The following ARHGAP18 variants were observed in gnomAD, a reference collection of about 807,000 sequenced individuals.
ARHGAP18 encodes Rho GTPase activating protein 18.
A neutral mutation model predicts 86.2 loss-of-function variants in ARHGAP18; 67 were observed. The observed-to-expected ratio is 0.78, with a 90% CI of 0.64 to 0.95. ARHGAP18 has a LOEUF of 0.95. ARHGAP18 is among the 40% of genes least tolerant of loss of function. The probability of loss-of-function intolerance (pLI) is 0.00; values close to 1 mark genes in which losing one functional copy is unlikely to be tolerated. For synonymous variants in ARHGAP18, 283 were observed against 280.4 expected, an observed-to-expected ratio of 1.01 and a Z score of -0.09; for missense variants, 691 against 780.4, an observed-to-expected ratio of 0.89 and a Z score of 1.37.
chr6:129,689,562 A>C (rs1304671925), intron 1 of ARHGAP18, among the ~76,000 whole-genome samples: 3 of 152,104 alleles, frequency 2.0e-5, no homozygotes, highest in African/African-American at 7.2e-5. Flanking sequence ...CAAAGTGCTG[A>C]AATGGGCATG....
chr6:129,675,715 G>T (rs1231522063), intron 1 of ARHGAP18, among the ~76,000 whole-genome samples: 1 of 152,106 alleles, frequency 6.6e-6, no homozygotes, highest in African/African-American at 2.4e-5. Flanking sequence ...TATCTCAGAG[G>T]GAATAAGAAA....
intron 1 of ARHGAP18, 33 bp from the exon 2 acceptor site, chr6:129,642,051 A>T: frequency 6.3e-7 from 1 of 1,588,070 alleles, no homozygotes; most frequent in Middle Eastern, 1.7e-4. Flanking sequence ...GGTTTATTTT[A>T]GTACAAAAGG....
intron 3 of ARHGAP18, among the ~76,000 whole-genome samples, chr6:129,637,688 A>C (rs1044639109): frequency 1.3e-5 from 2 of 152,194 alleles, no homozygotes; most frequent in Non-Finnish European, 1.5e-5. Flanking sequence ...GGCAAACACA[A>C]AGCTGTAACC....
chr6:129,632,484 C>T, intron 4 of ARHGAP18, among the ~76,000 whole-genome samples: 1 of 152,254 alleles, frequency 6.6e-6, no homozygotes, highest in East Asian at 1.9e-4. Flanking sequence ...TTTTCCTCAG[C>T]ATCCATTCAC....
At chr6:129,680,361 T>C (rs72986995) in intron 1 of ARHGAP18, among the ~76,000 whole-genome samples, 1,635 of 152,340 alleles carry the variant, frequency 0.011, 18 homozygotes, top group Middle Eastern at 0.027. Flanking sequence ...AAAGCAAGGT[T>C]CTCTACTCCT....
intron 1 of ARHGAP18, among the ~76,000 whole-genome samples, chr6:129,686,490 C>T (rs1445180842): frequency 6.6e-6 from 1 of 152,178 alleles, no homozygotes. Flanking sequence ...ATAGAGGTTC[C>T]CTGCGCAGGT....
At chr6:129,703,003 C>CA (rs5879963) in intron 1 of ARHGAP18, among the ~76,000 whole-genome samples, 1 of 149,344 alleles carries the variant, frequency 6.7e-6, no homozygotes, top group African/African-American at 2.5e-5. Context: ...ATCTCCAAAA[C>CA]AAAAAAAAAA....
intron 12 of ARHGAP18, among the ~76,000 whole-genome samples, chr6:129,594,985 T>A (rs901087004): frequency 5.3e-5 from 8 of 152,190 alleles, no homozygotes; most frequent in African/African-American, 1.9e-4. Context: ...GAAGAGTCCA[T>A]GGATTTAAAG....
At chr6:129,704,438 C>T (rs1774771466) in intron 1 of ARHGAP18, among the ~76,000 whole-genome samples, 1 of 152,034 alleles carries the variant, frequency 6.6e-6, no homozygotes, top group Non-Finnish European at 1.5e-5. Flanking sequence ...CAGCGAGACT[C>T]AGTATCTGAA....
At chr6:129,709,910 G>A in intron 1 of ARHGAP18, 114 bp downstream of exon 1, 1 of 792,624 alleles carries the variant, frequency 1.3e-6, no homozygotes. Context: ...TGCTGCACGA[G>A]CTCAGGCTCG....
At chr6:129,677,235 T>A (rs1774252284) in intron 1 of ARHGAP18, among the ~76,000 whole-genome samples, 1 of 151,984 alleles carries the variant, frequency 6.6e-6, no homozygotes, top group African/African-American at 2.4e-5. Flanking sequence ...CTACTAAAAT[T>A]ACAAAAAATT....
chr6:129,674,149 T>C (rs1165417306), intron 1 of ARHGAP18, among the ~76,000 whole-genome samples: 2 of 152,234 alleles, frequency 1.3e-5, no homozygotes, highest in African/African-American at 4.8e-5. Context: ...ATTCTCATTA[T>C]TATAACCACC....
intron 7 of ARHGAP18, among the ~76,000 whole-genome samples, chr6:129,614,285 C>A (rs759480822): frequency 1.1e-4 from 17 of 152,098 alleles, no homozygotes; most frequent in Non-Finnish European, 1.6e-4. Context: ...ACAGATATGA[C>A]CTAATTGAGT....
intron 1 of ARHGAP18, among the ~76,000 whole-genome samples, chr6:129,643,299 G>A (rs1773507801): frequency 6.6e-6 from 1 of 152,120 alleles, no homozygotes; most frequent in African/African-American, 2.4e-5. Context: ...GGACCCAACA[G>A]GAGGTAATTT....
chr6:129,623,006 C>CAAAAAAA (rs57274879), intron 5 of ARHGAP18, among the ~76,000 whole-genome samples: 118 of 38,340 alleles, frequency 3.1e-3, no homozygotes, highest in Admixed American at 4.0e-3. Flanking sequence ...CATCTCAAAA[C>CAAAAAAA]AAAAAAAAAA....
chr6:129,630,247 T>C (rs908907475), intron 4 of ARHGAP18, among the ~76,000 whole-genome samples: 4 of 152,240 alleles, frequency 2.6e-5, no homozygotes, highest in Non-Finnish European at 5.9e-5. Flanking sequence ...TTTTGGCTTG[T>C]TGTTAACCCT....
chr6:129,707,375 C>A (rs1419048917), intron 1 of ARHGAP18, among the ~76,000 whole-genome samples: 2 of 152,124 alleles, frequency 1.3e-5, no homozygotes, highest in Non-Finnish European at 2.9e-5. Context: ...CAGACAAAAT[C>A]TTGTGATAAG....
At chr6:129,585,020 CTTT>C (rs59934135) in intron 12 of ARHGAP18, among the ~76,000 whole-genome samples, 227 of 143,056 alleles carry the variant, frequency 1.6e-3, no homozygotes, top group East Asian at 4.2e-3. Flanking sequence ...ATATCATGTC[CTTT>C]TTTTTTTTTT....
intron 1 of ARHGAP18, among the ~76,000 whole-genome samples, chr6:129,676,161 G>A (rs1446591386): frequency 6.6e-6 from 1 of 152,146 alleles, no homozygotes; most frequent in African/African-American, 2.4e-5. Flanking sequence ...GCTGCTAACT[G>A]GCCAAGCTTC....
Sources: allele counts gnomAD v4.1 joint callset (sites outside exome capture counted in the v4.1 genomes callset), GRCh38; gene constraint gnomAD v4.1.1; transcripts MANE v1.5; gene names NCBI Gene and HGNC (gene_info 2026-07-23, HGNC 2026-07-21).